RIN2: variants seen among roughly 807,000 people sequenced by gnomAD.
RIN2 encodes the protein Ras and Rab interactor 2.
In RIN2, 36 loss-of-function variants were observed where a neutral mutation model predicts 78.0. The ratio of observed to expected loss-of-function variants is 0.46; its 90% CI spans 0.35 to 0.61. RIN2 has a LOEUF of 0.61. Ranked by LOEUF, RIN2 falls within the 20% of genes least tolerant of loss-of-function variation. RIN2 has a pLI of 0.00. For synonymous variants in RIN2, 466 were observed against 466.8 expected, an observed-to-expected ratio of 1.00 and a Z score of 0.02; for missense variants, 1,087 against 1,159.7, an observed-to-expected ratio of 0.94 and a Z score of 0.91.
At chr20:19,772,964 G>C (rs2034185442) in intron 1 of RIN2, among the ~76,000 whole-genome samples, 1 of 152,196 alleles carries the variant, frequency 6.6e-6, no homozygotes, top group Admixed American at 6.5e-5. Flanking sequence ...TTCTAGGGTT[G>C]CTGTAACAAA....
chr20:19,875,964 A>T (rs1249418311), intron 2 of RIN2, among the ~76,000 whole-genome samples: 3 of 152,188 alleles, frequency 2.0e-5, no homozygotes, highest in Admixed American at 2.0e-4. Context: ...GTGAGGAGGA[A>T]AGTAAGGGCA....
chr20:19,941,048 T>G (rs971842915), intron 4 of RIN2, among the ~76,000 whole-genome samples: 12 of 152,190 alleles, frequency 7.9e-5, no homozygotes, highest in African/African-American at 2.7e-4. Flanking sequence ...CTAGCCCAAG[T>G]GGATTGCTGT....
intron 2 of RIN2, among the ~76,000 whole-genome samples, chr20:19,843,565 A>C (rs970560277): frequency 1.3e-5 from 2 of 152,222 alleles, no homozygotes; most frequent in Non-Finnish European, 2.9e-5. Context: ...GTTATTAGGT[A>C]CTTAATAGAC....
At chr20:19,766,273 A>T (rs796522741) in intron 1 of RIN2, among the ~76,000 whole-genome samples, 5 of 152,218 alleles carry the variant, frequency 3.3e-5, no homozygotes, top group African/African-American at 1.2e-4. Context: ...TCTTTCCCTA[A>T]ACAGTTTACA....
intron 5 of RIN2, among the ~76,000 whole-genome samples, chr20:19,958,063 A>G (rs2041612746): frequency 6.6e-6 from 1 of 152,246 alleles, no homozygotes; most frequent in Non-Finnish European, 1.5e-5. Flanking sequence ...ATTGGGCACT[A>G]AATACCTTTT....
chr20:19,994,139 A>G (rs1429628563), intron 11 of RIN2, among the ~76,000 whole-genome samples: 2 of 152,250 alleles, frequency 1.3e-5, no homozygotes, highest in African/African-American at 4.8e-5. Context: ...GTGAGGATAC[A>G]AAAGCTGCTG....
At chr20:19,784,322 G>A (rs1203050896) in intron 1 of RIN2, among the ~76,000 whole-genome samples, 3 of 149,204 alleles carry the variant, frequency 2.0e-5, no homozygotes, top group Non-Finnish European at 4.4e-5. Flanking sequence ...AAACAATTAT[G>A]TGTGTGTGTG....
chr20:19,893,724 C>A (rs146265175), intron 3 of RIN2, among the ~76,000 whole-genome samples: 2 of 152,154 alleles, frequency 1.3e-5, no homozygotes, highest in African/African-American at 4.8e-5. Flanking sequence ...CTCACAGCAC[C>A]ATTGTTAATT....
At chr20:19,874,015 A>T (rs2037776485) in intron 2 of RIN2, among the ~76,000 whole-genome samples, 1 of 152,080 alleles carries the variant, frequency 6.6e-6, no homozygotes, top group Non-Finnish European at 1.5e-5. Context: ...TACTGTAAAC[A>T]AGTGTCCTTT....
At chr20:19,954,078 C>A (rs747487849) in intron 4 of RIN2, among the ~76,000 whole-genome samples, 3 of 152,164 alleles carry the variant, frequency 2.0e-5, no homozygotes, top group Non-Finnish European at 4.4e-5. Flanking sequence ...ACGGGGGTCT[C>A]TGGCCAGTCC....
intron 6 of RIN2, among the ~76,000 whole-genome samples, chr20:19,961,026 C>T (rs532547298): frequency 6.6e-6 from 1 of 152,238 alleles, no homozygotes. Context: ...GTCAAACAAC[C>T]TGAATATAAA....
At chr20:19,784,789 C>T (rs1020810335) in intron 1 of RIN2, among the ~76,000 whole-genome samples, 5 of 151,950 alleles carry the variant, frequency 3.3e-5, no homozygotes, top group Non-Finnish European at 5.9e-5. Flanking sequence ...GTGATGCAGC[C>T]CAGATCACAT....
chr20:19,777,596 G>A (rs1486201867), intron 1 of RIN2, among the ~76,000 whole-genome samples: 1 of 152,236 alleles, frequency 6.6e-6, no homozygotes, highest in Non-Finnish European at 1.5e-5. Flanking sequence ...GTAAACGGGG[G>A]CTCTCTTTCT....
intron 2 of RIN2, among the ~76,000 whole-genome samples, chr20:19,817,405 C>A (rs34695732): frequency 0.17 from 25,677 of 151,962 alleles, 2,251 homozygotes; most frequent in South Asian, 0.22. Context: ...TTTATAAGGG[C>A]AGTAATCCCA....
At chr20:19,823,407 T>TTTTTAAA in intron 2 of RIN2, 1 of 685,566 alleles carries the variant, frequency 1.5e-6, no homozygotes, top group Non-Finnish European at 2.6e-6. Context: ...TTTTCTTTTT[T>TTTTTAAA]TGTCAAATGA....
chr20:19,853,332 G>A (rs979194047), intron 2 of RIN2, among the ~76,000 whole-genome samples: 5 of 152,022 alleles, frequency 3.3e-5, no homozygotes, highest in African/African-American at 7.3e-5. Context: ...GAATAATGCT[G>A]CAATAAACAT....
intron 2 of RIN2, among the ~76,000 whole-genome samples, chr20:19,830,562 T>G (rs539737756): frequency 1.3e-4 from 20 of 152,356 alleles, no homozygotes; most frequent in African/African-American, 4.3e-4. Context: ...TCAAGGCCAG[T>G]CATTCAGTTT....
chr20:19,887,561 T>C (rs1340818715), intron 2 of RIN2, among the ~76,000 whole-genome samples: 1 of 152,144 alleles, frequency 6.6e-6, no homozygotes, highest in Non-Finnish European at 1.5e-5. Flanking sequence ...TCAAACTGGA[T>C]GGTGAATTGA....
intron 9 of RIN2, among the ~76,000 whole-genome samples, chr20:19,979,249 A>G (rs898334631): frequency 6.6e-6 from 1 of 152,218 alleles, no homozygotes; most frequent in South Asian, 2.1e-4. Context: ...TAAATTTTCT[A>G]TTTCATTCAG....
Sources: allele counts gnomAD v4.1 joint callset (sites outside exome capture counted in the v4.1 genomes callset), GRCh38; gene constraint gnomAD v4.1.1; transcripts MANE v1.5; gene names NCBI Gene and HGNC (gene_info 2026-07-23, HGNC 2026-07-21).